FAT3: variants seen among roughly 807,000 people sequenced by gnomAD.
The protein encoded by FAT3 is FAT atypical cadherin 3.
Under a neutral mutation model 310.2 loss-of-function variants are expected in FAT3, and 95 were observed. That is an observed-to-expected ratio of 0.31 (90% CI 0.26 to 0.36). The LOEUF is 0.36. FAT3 is among the 10% of genes least tolerant of loss of function. The pLI is 1.00. For synonymous variants in FAT3, 2,314 were observed against 2,192.9 expected (o/e 1.06, Z -1.54); for missense variants, 5,408 against 5,715.6 (o/e 0.95, Z 1.74).
intron 1 of FAT3, among the ~76,000 whole-genome samples, chr11:92,277,320 A>G (rs942829329): frequency 1.3e-5 from 2 of 152,118 alleles, no homozygotes; most frequent in Admixed American, 6.6e-5. Context: ...AATTAACTCT[A>G]TCTGCTGTTT....
intron 1 of FAT3, among the ~76,000 whole-genome samples, chr11:92,336,904 T>A (rs909783869): frequency 1.3e-5 from 2 of 152,172 alleles, no homozygotes; most frequent in African/African-American, 4.8e-5. Context: ...AAAACCCTTT[T>A]AAAATATAAT....
intron 4 of FAT3, among the ~76,000 whole-genome samples, chr11:92,751,001 T>A (rs1052220860): frequency 1.3e-5 from 2 of 152,174 alleles, no homozygotes; most frequent in East Asian, 1.9e-4. Context: ...TCCTGTGGCC[T>A]CCAGGTGCAG....
chr11:92,459,208 T>C (rs773614681), intron 2 of FAT3, among the ~76,000 whole-genome samples: 6 of 152,150 alleles, frequency 3.9e-5, no homozygotes, highest in Non-Finnish European at 8.8e-5. Context: ...CATGGTACGA[T>C]GGCCACCCTT....
intron 13 of FAT3, among the ~76,000 whole-genome samples, chr11:92,825,511 A>G (rs1490806589): frequency 6.6e-6 from 1 of 152,210 alleles, no homozygotes; most frequent in Non-Finnish European, 1.5e-5. Context: ...GAAAGAGGTA[A>G]GAGAACATTC....
At chr11:92,740,218 C>A (rs1477199456) in intron 4 of FAT3, among the ~76,000 whole-genome samples, 1 of 152,180 alleles carries the variant, frequency 6.6e-6, no homozygotes, top group Non-Finnish European at 1.5e-5. Context: ...TATTGGAAGT[C>A]TTTCTTTTGA....
At chr11:92,499,612 C>A (rs982560836) in intron 2 of FAT3, among the ~76,000 whole-genome samples, 35 of 151,964 alleles carry the variant, frequency 2.3e-4, no homozygotes, top group African/African-American at 8.0e-4. Flanking sequence ...AGACCCTGAC[C>A]CTAGCTGACT....
chr11:92,561,470 C>A (rs1009174547), intron 3 of FAT3, among the ~76,000 whole-genome samples: 8 of 152,022 alleles, frequency 5.3e-5, no homozygotes, highest in Admixed American at 5.2e-4. Flanking sequence ...AAATATATTT[C>A]TTTACATATA....
chr11:92,273,288 A>G (rs1197832736), intron 1 of FAT3, among the ~76,000 whole-genome samples: 1 of 152,114 alleles, frequency 6.6e-6, no homozygotes, highest in Non-Finnish European at 1.5e-5. Flanking sequence ...GGGGAAAAGT[A>G]AAATTACTTC....
intron 6 of FAT3, among the ~76,000 whole-genome samples, chr11:92,769,832 A>C (rs539204211): frequency 6.6e-6 from 1 of 152,320 alleles, no homozygotes; most frequent in East Asian, 1.9e-4. Context: ...TTTGGGCTCC[A>C]GGCTGCTGCT....
At chr11:92,362,656 T>G (rs1443292102) in intron 2 of FAT3, among the ~76,000 whole-genome samples, 1 of 152,260 alleles carries the variant, frequency 6.6e-6, no homozygotes. Context: ...CTTTAAACTC[T>G]GCCCACTCCT....
chr11:92,541,113 G>A (rs1420137579), intron 3 of FAT3, among the ~76,000 whole-genome samples: 1 of 151,984 alleles, frequency 6.6e-6, no homozygotes. Context: ...TCATTTATTC[G>A]CTCAACATTC....
At chr11:92,640,678 A>G (rs1941925124) in intron 3 of FAT3, among the ~76,000 whole-genome samples, 1 of 152,184 alleles carries the variant, frequency 6.6e-6, no homozygotes, top group Non-Finnish European at 1.5e-5. Context: ...TATTTTATGA[A>G]TGCAGTTAGT....
intron 2 of FAT3, among the ~76,000 whole-genome samples, chr11:92,468,510 C>T (rs1442411640): frequency 1.3e-5 from 2 of 151,992 alleles, no homozygotes; most frequent in African/African-American, 4.8e-5. Context: ...TTCAGAGAAA[C>T]TGTGGTAGGA....
At chr11:92,622,729 G>T (rs1383815584) in intron 3 of FAT3, among the ~76,000 whole-genome samples, 1 of 152,152 alleles carries the variant, frequency 6.6e-6, no homozygotes, top group Non-Finnish European at 1.5e-5. Flanking sequence ...CTTTTCAATT[G>T]CACGGTCACA....
intron 1 of FAT3, among the ~76,000 whole-genome samples, chr11:92,263,505 C>T (rs1865642295): frequency 6.6e-6 from 1 of 151,802 alleles, no homozygotes; most frequent in Admixed American, 6.6e-5. Context: ...TTCTTCCTTC[C>T]TCTGAAATTT....
At chr11:92,790,689 T>C (rs1311300574) in intron 8 of FAT3, among the ~76,000 whole-genome samples, 3 of 152,248 alleles carry the variant, frequency 2.0e-5, no homozygotes, top group Non-Finnish European at 2.9e-5. Flanking sequence ...TAGTAAATAC[T>C]GGCACACAAA....
intron 15 of FAT3, among the ~76,000 whole-genome samples, chr11:92,836,222 C>G (rs1206100939): frequency 6.6e-6 from 1 of 152,124 alleles, no homozygotes; most frequent in African/African-American, 2.4e-5. Context: ...TGGCAGAGAC[C>G]ATTACTTGCA....
intron 1 of FAT3, among the ~76,000 whole-genome samples, chr11:92,258,654 T>A (rs1865410717): frequency 6.6e-6 from 1 of 151,982 alleles, no homozygotes; most frequent in Admixed American, 6.6e-5. Flanking sequence ...AGAACTTTAT[T>A]TGTTAGGCAG....
intron 3 of FAT3, among the ~76,000 whole-genome samples, chr11:92,589,707 C>T (rs1591491574): frequency 6.6e-6 from 1 of 152,052 alleles, no homozygotes; most frequent in African/African-American, 2.4e-5. Flanking sequence ...ACCACACACA[C>T]AACATAAATA....
Sources: allele counts gnomAD v4.1 joint callset (sites outside exome capture counted in the v4.1 genomes callset), GRCh38; gene constraint gnomAD v4.1.1; transcripts MANE v1.5; gene names NCBI Gene and HGNC (gene_info 2026-07-23, HGNC 2026-07-21).